The following NALCN variants were observed in gnomAD, a reference collection of about 807,000 sequenced individuals.
The protein encoded by NALCN is sodium leak channel, non-selective.
In NALCN, 111 loss-of-function variants were observed where a neutral mutation model predicts 225.3. The ratio of observed to expected loss-of-function variants is 0.49; its 90% CI spans 0.42 to 0.58. The LOEUF (loss-of-function observed/expected upper bound fraction) is 0.58, where lower values mean the gene tolerates loss of function less well. Ranked by LOEUF, NALCN falls within the 20% of genes least tolerant of loss-of-function variation. NALCN has a pLI of 0.00. For synonymous variants in NALCN, 764 were observed against 769.0 expected (o/e 0.99, Z 0.11); for missense variants, 1,378 against 2,202.4 (o/e 0.63, Z 7.49).
intron 6 of NALCN, 79 bp downstream of exon 6, chr13:101,376,621 T>C (rs2046699370): frequency 6.8e-7 from 1 of 1,465,392 alleles, no homozygotes; most frequent in Non-Finnish European, 9.2e-7. Context: ...AAATCTGACA[T>C]AGAGGTTATT....
At chr13:101,146,400 A>T (rs1000864704) in intron 15 of NALCN, among the ~76,000 whole-genome samples, 2 of 152,202 alleles carry the variant, frequency 1.3e-5, no homozygotes, top group African/African-American at 4.8e-5. Flanking sequence ...GGTTATGATG[A>T]TGACAATGGT....
intron 41 of NALCN, among the ~76,000 whole-genome samples, chr13:101,060,170 A>C (rs747980107): frequency 5.3e-5 from 8 of 151,786 alleles, no homozygotes; most frequent in Non-Finnish European, 1.2e-4. Flanking sequence ...AGAGGTATGC[A>C]TTGACTTCCC....
Position 101,144,755 on chromosome 13 carries a change from G to T in NALCN, c.1976+5C>A, listed in dbSNP as rs772061447. On this transcript the variant is annotated splice_donor_5th_base_variant and intron_variant, in intron 16 of 43. Transcript: ENST00000251127. ...AAATATGCAATTAAAGAAGTATTTT[G>T]GTACCTGATTTTAGGAACTGTAAAA... 1 of 1,604,038 alleles carries T rather than the reference G, an allele frequency of 6.2e-7. No homozygotes were observed. Among genetic ancestry groups the T allele is most frequent in the African/African-American group, 1.3e-5 (1 of 74,220 alleles).
rs1049675029 is a variant in NALCN, at chr13:101,199,078, G to A, written c.1627-7024C>T. On this transcript the variant is annotated intron_variant, in intron 13 of 43. Transcript: ENST00000251127. ...ACTGCACTTTCTCACTCATAGGTGG[G>A]AACTGAATAATGAGAACACATGGAC... Among the ~76,000 whole-genome samples the A allele has an allele frequency of 2.7e-5, 4 of 150,894 alleles. No individual in the cohort carries two copies. In the South Asian group the frequency reaches 8.5e-4, roughly 32 times the overall value.
At chr13:101,193,783 G>T (rs1356108648) in intron 13 of NALCN, among the ~76,000 whole-genome samples, 1 of 151,978 alleles carries the variant, frequency 6.6e-6, no homozygotes, top group African/African-American at 2.4e-5. Flanking sequence ...TTTTTTTCCT[G>T]TATTTTTTTT....
chr13:101,230,679 C>T (rs1376995564), intron 12 of NALCN, among the ~76,000 whole-genome samples: 5 of 152,286 alleles, frequency 3.3e-5, no homozygotes, highest in African/African-American at 1.2e-4. Flanking sequence ...TCCTGTCCAA[C>T]CCGACAGGCT....
intron 18 of NALCN, among the ~76,000 whole-genome samples, chr13:101,115,656 T>C (rs567278710): frequency 1.2e-3 from 189 of 152,292 alleles, no homozygotes; most frequent in African/African-American, 4.4e-3. Context: ...TTTGGTCTCA[T>C]GTAAGGACAA....
At chr13:101,158,393 A>G (rs546859574) in intron 15 of NALCN, among the ~76,000 whole-genome samples, 26 of 152,156 alleles carry the variant, frequency 1.7e-4, no homozygotes, top group East Asian at 3.9e-4. Context: ...TGCCTCCCCA[A>G]CCTTCCTCTA....
chr13:101,308,735 G>T (rs1326412373), intron 7 of NALCN, among the ~76,000 whole-genome samples: 1 of 152,140 alleles, frequency 6.6e-6, no homozygotes, highest in Non-Finnish European at 1.5e-5. Context: ...AGACATTTTA[G>T]GATTTCACAC....
At chr13:101,123,705 T>G (rs1340912720) in intron 18 of NALCN, among the ~76,000 whole-genome samples, 4 of 152,348 alleles carry the variant, frequency 2.6e-5, no homozygotes, top group Non-Finnish European at 2.9e-5. Context: ...AAATTTTTTT[T>G]GCACACAAAT....
chr13:101,074,271 T>G (rs2033104030), intron 36 of NALCN, among the ~76,000 whole-genome samples: 1 of 152,146 alleles, frequency 6.6e-6, no homozygotes, highest in African/African-American at 2.4e-5. Flanking sequence ...GAATTATAGA[T>G]TCTTTTTGTT....
At chr13:101,257,303 T>A (rs1388913653) in intron 11 of NALCN, among the ~76,000 whole-genome samples, 1 of 148,432 alleles carries the variant, frequency 6.7e-6, no homozygotes, top group Non-Finnish European at 1.5e-5. Context: ...CCAGTAAAAG[T>A]TTTGTATTAA....
At chr13:101,149,911 G>A (rs1408126582) in intron 15 of NALCN, among the ~76,000 whole-genome samples, 1 of 152,200 alleles carries the variant, frequency 6.6e-6, no homozygotes, top group Non-Finnish European at 1.5e-5. Context: ...TCTCCTAGGT[G>A]CGTGCCTGCA....
At chr13:101,381,379 AT>A (rs2046844563) in intron 3 of NALCN, among the ~76,000 whole-genome samples, 1 of 152,082 alleles carries the variant, frequency 6.6e-6, no homozygotes, top group Non-Finnish European at 1.5e-5. Flanking sequence ...TTATAGTTGC[AT>A]TTTTTAATAG....
chr13:101,397,237 A>C (rs76095274), intron 2 of NALCN, among the ~76,000 whole-genome samples: 5,705 of 150,268 alleles, frequency 0.038, 173 homozygotes, highest in East Asian at 0.11. Flanking sequence ...TAGAGAAAGA[A>C]AGACAGACTG....
intron 15 of NALCN, among the ~76,000 whole-genome samples, chr13:101,171,788 GT>G (rs2038736366): frequency 6.6e-6 from 1 of 152,160 alleles, no homozygotes; most frequent in South Asian, 2.1e-4. Context: ...TGTGCAAAAA[GT>G]CCTTTTACTT....
At chr13:101,268,062 C>A (rs1044208961) in intron 10 of NALCN, among the ~76,000 whole-genome samples, 1 of 152,186 alleles carries the variant, frequency 6.6e-6, no homozygotes, top group Admixed American at 6.5e-5. Flanking sequence ...GTCTCCCTCT[C>A]TCTTTCCCTC....
intron 13 of NALCN, among the ~76,000 whole-genome samples, chr13:101,226,206 T>G (rs2140123086): frequency 6.6e-6 from 1 of 151,986 alleles, no homozygotes; most frequent in African/African-American, 2.4e-5. Flanking sequence ...AACCCTAAGA[T>G]AAACCCCCTC....
chr13:101,352,236 C>A (rs1340861031), intron 6 of NALCN, among the ~76,000 whole-genome samples: 1 of 152,130 alleles, frequency 6.6e-6, no homozygotes, highest in Non-Finnish European at 1.5e-5. Flanking sequence ...GCTTTAAGAG[C>A]TATCTATATG....
Sources: gnomAD v4.1 joint callset for allele counts (sites outside exome capture counted in the v4.1 genomes callset) on GRCh38, gnomAD v4.1.1 for gene constraint, MANE v1.5 for transcripts, NCBI Gene and HGNC (gene_info 2026-07-23, HGNC 2026-07-21) for gene names.